The following PINK1 variants were observed in gnomAD, a reference collection of about 807,000 sequenced individuals.
PINK1 encodes the protein PTEN induced kinase 1.
Under a neutral mutation model 56.0 loss-of-function variants are expected in PINK1, and 58 were observed. The ratio of observed to expected loss-of-function variants is 1.04; its 90% CI spans 0.84 to 1.29. The LOEUF is 1.29. Ranked by LOEUF, PINK1 falls within the 50% of genes most tolerant of loss-of-function variation. The pLI, the probability that PINK1 is intolerant of heterozygous loss-of-function variation, is 0.00. For missense variants in PINK1, 745 were observed against 777.9 expected (o/e 0.96, Z 0.50); for synonymous variants, 354 against 339.3 (o/e 1.04, Z -0.48).
At chr1:20,640,659 T>C (rs1323412119) in intron 3 of PINK1, among the ~76,000 whole-genome samples, 1 of 152,088 alleles carries the variant, frequency 6.6e-6, no homozygotes, top group African/African-American at 2.4e-5. Flanking sequence ...CAGCTACGCT[T>C]TCAGCTCAGA....
Position 20,637,903 on chromosome 1 carries a change from G to C in PINK1, c.449G>C (p.Gly150Ala). The change falls in exon 2 of 8, where the codon GGC becomes GCC. Residue 150 changes from glycine (G) to alanine (A), a missense_variant. Gly to Ala is a moderately conservative substitution (Grantham distance 60). Transcript: ENST00000321556. Reference sequence around the variant, plus strand: ...CCGTTGGACACGAGACGCTTGCAGGGCTTTCGGCTGGAGGAGTATCTGATA... The same window carrying C: ...CCGTTGGACACGAGACGCTTGCAGGCCTTTCGGCTGGAGGAGTATCTGATA... Reference protein sequence around the residue: ...PDPLDTRRLQGFRLEEYLIGQ... With the variant: ...PDPLDTRRLQAFRLEEYLIGQ... The C allele has an allele frequency of 6.2e-7, 1 of 1,614,230 alleles. No individual in the cohort carries two copies. The highest frequency in any genetic ancestry group is 8.5e-7 in the Non-Finnish European group (1 of 1,180,042).
intron 5 of PINK1, among the ~76,000 whole-genome samples, chr1:20,646,648 A>AAATTAATT (rs56360729): frequency 2.6e-5 from 4 of 151,094 alleles, no homozygotes; most frequent in African/African-American, 9.8e-5. Context: ...ATCTCAAAAT[A>AAATTAATT]AATTAATTAA....
At chr1:20,647,884 G>A (rs2053206875) in intron 5 of PINK1, among the ~76,000 whole-genome samples, 1 of 151,490 alleles carries the variant, frequency 6.6e-6, no homozygotes, top group Non-Finnish European at 1.5e-5. Context: ...TGATTCTCCT[G>A]TCTCAGCCTC....
intron 1 of PINK1, among the ~76,000 whole-genome samples, chr1:20,635,029 A>G (rs1193863398): frequency 6.6e-6 from 1 of 152,166 alleles, no homozygotes; most frequent in Admixed American, 6.5e-5. Context: ...GTCTTTTGCC[A>G]CAGCTTAACT....
chr1:20,645,840 T>C (rs2053173807), intron 5 of PINK1, 117 bp downstream of exon 5: 1 of 1,362,540 alleles, frequency 7.3e-7, no homozygotes, highest in South Asian at 1.2e-5. Context: ...TGTCTTTATT[T>C]AGCTCCGCAC....
chr1:20,644,655 G>A lies in PINK1; in HGVS notation c.942G>A (p.Leu314=), dbSNP rs145990823. 1.9e-5 allele frequency: 30 copies of A among 1,614,232 alleles called. No individual in the cohort carries two copies. In the African/African-American group the frequency reaches 2.9e-4, roughly 16 times the overall value. ...AAGGCCTGGGCCATGGCCGGACGCT[G>A]TTCCTCGTTATGAAGAAGTAAGTGA... The part of the protein sequence containing the change: ...HPEGLGHGRT[L]FLVMKNYPCT... Residue 314 remains leucine, a synonymous_variant, in exon 4 of 8, where the codon CTG becomes CTA. Transcript: ENST00000321556.
intron 6 of PINK1, 156 bp downstream of exon 6, chr1:20,648,788 C>T (rs2053220423): frequency 2.2e-6 from 3 of 1,384,044 alleles, no homozygotes; most frequent in South Asian, 1.3e-5. Context: ...TTTCCTCCGG[C>T]GTTCCCTCAT....
In PINK1 at chr1:20,635,872, TAAAAA is replaced by T. The variant is rs2053052220; in HGVS notation, c.387+1939_387+1943del. Among the ~76,000 whole-genome samples the T allele has an allele frequency of 9.3e-5, 14 of 151,226 alleles. No individual in the cohort carries two copies. In the South Asian group the frequency reaches 2.7e-3, roughly 29 times the overall value. On this transcript the variant is annotated intron_variant, in intron 1 of 7. Transcript: ENST00000321556. Reference sequence around the variant, plus strand: ...TCAAAAAAAATAAAAAATAAAAAAATAAAAAATTCTGAAGCCAGGCATGGTGACTC... The same window carrying T: ...TCAAAAAAAATAAAAAATAAAAAAATATTCTGAAGCCAGGCATGGTGACTC...
chr1:20,651,216 GCAGTAAGT>G lies in PINK1; in HGVS notation c.*526_*533del, dbSNP rs1446957935. 1 of 177,614 alleles carries G rather than the reference GCAGTAAGT, an allele frequency of 5.6e-6. No individual in the cohort carries two copies. The highest frequency in any genetic ancestry group is 1.2e-5 in the Non-Finnish European group (1 of 81,968). 11.0% of individuals were successfully genotyped at this position (177,614 alleles called of 1,614,324 possible). A position where few individuals can be genotyped will look rare whatever the true frequency, so the allele number is the denominator to read the frequency against. On this transcript the variant is annotated 3_prime_UTR_variant, in exon 8 of 8. Transcript: ENST00000321556. ...CTCACTTAGCGAAAGTGACGGATGA[GCAGTAAGT>G]AAGTAAGTGTGGGGATTTAAACTTG...
At chr1:20,639,868 C>A in intron 2 of PINK1, 24 bp from the exon 3 acceptor site, 1 of 1,602,218 alleles carries the variant, frequency 6.2e-7, no homozygotes, top group Non-Finnish European at 8.5e-7. Flanking sequence ...CTGTGTAACC[C>A]TGGGTTCCTT....
At chr1:20,645,878 A>T (rs1198632917) in intron 5 of PINK1, among the ~76,000 whole-genome samples, 155 bp downstream of exon 5, 1 of 147,176 alleles carries the variant, frequency 6.8e-6, no homozygotes, top group Non-Finnish European at 1.5e-5. Flanking sequence ...TCTCCCTTAG[A>T]ACGGGGTTTT....
intron 3 of PINK1, among the ~76,000 whole-genome samples, chr1:20,640,296 C>T (rs1282008697): frequency 6.6e-6 from 1 of 152,128 alleles, no homozygotes; most frequent in Non-Finnish European, 1.5e-5. Flanking sequence ...AAGAAATGCA[C>T]GGGTAGAGCG....
Position 20,633,497 on chromosome 1 carries a change from G to A in PINK1, c.-52G>A. 3.6e-6 allele frequency: 4 copies of A among 1,104,000 alleles called. No homozygotes were observed. The highest frequency in any genetic ancestry group is 5.5e-5 in the East Asian group (1 of 18,298). The allele number at this position is 1,104,000 out of a possible 1,614,324, so 68.4% of individuals were successfully genotyped here. On this transcript the variant is annotated 5_prime_UTR_variant, in exon 1 of 8. Coordinates refer to ENST00000321556, the MANE Select transcript of PINK1 (RefSeq NM_032409.3). Reference sequence around the variant, plus strand: ...AAGTTTGTTGTGACCGGCGGGGGACGCCGGTGGTGGCGGCAGCGGCGGCTG... The same window carrying A: ...AAGTTTGTTGTGACCGGCGGGGGACACCGGTGGTGGCGGCAGCGGCGGCTG...
At position 20,638,080 on chromosome 1, in the gene PINK1, C is replaced by CG; in HGVS notation, c.631dup (p.Ala211GlyfsTer87). The CG allele has an allele frequency of 6.2e-7, 1 of 1,613,896 alleles. No homozygotes were observed. Among genetic ancestry groups the CG allele is most frequent in the Non-Finnish European group, 8.5e-7 (1 of 1,179,992 alleles). The stretch of plus-strand genomic sequence containing the variant: ...CCAGGAGAAGGGCAGGAGCGAGCTC[C>CG]GGGGGCCCCTGCCTTCCCCTTGGCC... On this transcript the variant is annotated frameshift_variant, in exon 2 of 8. Coordinates refer to ENST00000321556, the MANE Select transcript of PINK1 (RefSeq NM_032409.3). LOFTEE classifies it high-confidence loss of function.
In PINK1 at chr1:20,650,767, G is replaced by A; in HGVS notation, c.*76G>A. On this transcript the variant is annotated 3_prime_UTR_variant, in exon 8 of 8. Coordinates refer to ENST00000321556, the MANE Select transcript of PINK1 (RefSeq NM_032409.3). ...GTCGTGATGGTCTGTGAATGGTGAG[G>A]GTGGGAGTCAGGAGACAAGACAGCG... 1.3e-6 allele frequency: 2 copies of A among 1,563,254 alleles called. No homozygotes were observed. Among genetic ancestry groups the A allele is most frequent in the Non-Finnish European group, 1.7e-6 (2 of 1,157,476 alleles).
In PINK1 at chr1:20,633,602, G is replaced by A; in HGVS notation, c.54G>A (p.Leu18=). The A allele has an allele frequency of 2.4e-6, 3 of 1,276,524 alleles. No individual in the cohort carries two copies. The highest frequency in any genetic ancestry group is 2.0e-6 in the Non-Finnish European group (2 of 1,017,246). 79.1% of individuals were successfully genotyped at this position (1,276,524 alleles called of 1,614,324 possible). A position where few individuals can be genotyped will look rare whatever the true frequency, so the allele number is the denominator to read the frequency against. Residue 18 remains leucine, a synonymous_variant, in exon 1 of 8, where the codon CTG becomes CTA. Coordinates refer to ENST00000321556, the MANE Select transcript of PINK1 (RefSeq NM_032409.3). ...GCCTGCAGCTGGGTCGAGCGCTGCT[G>A]CTGCGCTTCACGGGCAAGCCCGGCC... ...GRGLQLGRAL[L]LRFTGKPGRA...
intron 1 of PINK1, among the ~76,000 whole-genome samples, chr1:20,636,910 G>A (rs1019968068): frequency 6.6e-6 from 1 of 152,172 alleles, no homozygotes; most frequent in Non-Finnish European, 1.5e-5. Flanking sequence ...GCAGCGTGCA[G>A]ACCAGCCTGG....
intron 5 of PINK1, 46 bp from the exon 6 acceptor site, chr1:20,648,459 G>T: frequency 6.2e-7 from 1 of 1,612,816 alleles, no homozygotes; most frequent in South Asian, 1.1e-5. Context: ...GCCTCTCAGA[G>T]GGAAGGAGGG....
At chr1:20,640,048 C>T in intron 3 of PINK1, 56 bp downstream of exon 3, 2 of 1,414,210 alleles carry the variant, frequency 1.4e-6, no homozygotes, top group Non-Finnish European at 2.0e-6. Context: ...CAACTTCATC[C>T]ATCACTTATG....
Sources: allele counts gnomAD v4.1 joint callset (sites outside exome capture counted in the v4.1 genomes callset), GRCh38; gene constraint gnomAD v4.1.1; transcripts MANE v1.5; gene names NCBI Gene and HGNC (gene_info 2026-07-23, HGNC 2026-07-21).